XKR4: variants seen among roughly 807,000 people sequenced by gnomAD.
The protein encoded by XKR4 is XK related 4, also known as XK-related protein 4.
Under a neutral mutation model 53.9 loss-of-function variants are expected in XKR4, and 12 were observed. The ratio of observed to expected loss-of-function variants is 0.22; its 90% CI spans 0.14 to 0.36. The LOEUF is 0.36. XKR4 is among the 10% of genes least tolerant of loss of function. The pLI is 1.00. For missense variants in XKR4, 799 were observed against 859.5 expected, an observed-to-expected ratio of 0.93 and a Z score of 0.88; for synonymous variants, 354 against 362.4, an observed-to-expected ratio of 0.98 and a Z score of 0.26.
chr8:55,355,027 C>T (rs1178757961), intron 1 of XKR4, among the ~76,000 whole-genome samples: 1 of 151,766 alleles, frequency 6.6e-6, no homozygotes, highest in Non-Finnish European at 1.5e-5. Context: ...TCTCAGCCTC[C>T]CAAGTAGCTG....
At chr8:55,385,458 G>A (rs533495510) in intron 2 of XKR4, among the ~76,000 whole-genome samples, 6 of 152,164 alleles carry the variant, frequency 3.9e-5, no homozygotes, top group African/African-American at 7.2e-5. Context: ...TCCCTTCCCC[G>A]CTAAGCCATA....
At chr8:55,312,864 C>T (rs1407193999) in intron 1 of XKR4, among the ~76,000 whole-genome samples, 2 of 152,166 alleles carry the variant, frequency 1.3e-5, no homozygotes, top group Admixed American at 6.5e-5. Context: ...GGCGTCAAGA[C>T]AAGGAGAAAG....
At chr8:55,241,930 C>CAATAAT (rs149205351) in intron 1 of XKR4, among the ~76,000 whole-genome samples, 62 of 151,870 alleles carry the variant, frequency 4.1e-4, no homozygotes, top group Non-Finnish European at 7.8e-4. Context: ...AGCAAGATGA[C>CAATAAT]AATAATAATA....
At chr8:55,519,824 T>C (rs1054360680) in intron 2 of XKR4, among the ~76,000 whole-genome samples, 2 of 152,208 alleles carry the variant, frequency 1.3e-5, no homozygotes, top group African/African-American at 4.8e-5. Context: ...AGGACCATAA[T>C]GTATGCATTT....
chr8:55,510,470 A>C (rs1482646554), intron 2 of XKR4, among the ~76,000 whole-genome samples: 1 of 152,110 alleles, frequency 6.6e-6, no homozygotes, highest in Non-Finnish European at 1.5e-5. Context: ...TTACAAACTA[A>C]AAACCCCACG....
intron 1 of XKR4, among the ~76,000 whole-genome samples, chr8:55,234,231 A>G (rs968868740): frequency 1.3e-5 from 2 of 152,142 alleles, no homozygotes; most frequent in Non-Finnish European, 2.9e-5. Context: ...TACCCACCCT[A>G]TAGATTTGGA....
At chr8:55,450,794 C>T (rs879003210) in intron 2 of XKR4, 10 of 526,324 alleles carry the variant, frequency 1.9e-5, no homozygotes, top group South Asian at 1.8e-4. Context: ...AACAGCTGCA[C>T]CAAGGATACC....
intron 1 of XKR4, among the ~76,000 whole-genome samples, chr8:55,212,878 T>C (rs1174230276): frequency 6.6e-6 from 1 of 152,168 alleles, no homozygotes; most frequent in Admixed American, 6.5e-5. Context: ...TTAAAGAGTA[T>C]AGGAATTATT....
chr8:55,490,266 A>C (rs779898727), intron 2 of XKR4, among the ~76,000 whole-genome samples: 5 of 152,214 alleles, frequency 3.3e-5, no homozygotes, highest in Non-Finnish European at 7.4e-5. Flanking sequence ...AATGATGTAA[A>C]ATGATGTTCT....
intron 2 of XKR4, among the ~76,000 whole-genome samples, chr8:55,395,733 C>G (rs1478930244): frequency 6.6e-6 from 1 of 152,136 alleles, no homozygotes; most frequent in Non-Finnish European, 1.5e-5. Context: ...CTTGCCTACA[C>G]TAGGTCTAGG....
At chr8:55,313,887 CAG>C (rs1309433773) in intron 1 of XKR4, among the ~76,000 whole-genome samples, 1 of 152,164 alleles carries the variant, frequency 6.6e-6, no homozygotes, top group African/African-American at 2.4e-5. Context: ...AGTTTTTCTG[CAG>C]AGTTATGAGT....
intron 1 of XKR4, among the ~76,000 whole-genome samples, chr8:55,169,287 G>A (rs888902352): frequency 3.3e-5 from 5 of 152,206 alleles, no homozygotes; most frequent in African/African-American, 9.7e-5. Context: ...TTCTGCCAGT[G>A]GTGGTTTCTA....
intron 1 of XKR4, among the ~76,000 whole-genome samples, chr8:55,155,564 AAAG>A (rs553208537): frequency 1.3e-3 from 203 of 152,150 alleles, no homozygotes; most frequent in African/African-American, 4.6e-3. Context: ...AAAAAAAAAA[AAAG>A]AAGTCGAGGA....
chr8:55,350,035 C>T (rs1223992817), intron 1 of XKR4, among the ~76,000 whole-genome samples: 1 of 152,176 alleles, frequency 6.6e-6, no homozygotes, highest in East Asian at 1.9e-4. Context: ...TACACACACA[C>T]ACTTAAAATT....
At chr8:55,165,925 C>A (rs566160622) in intron 1 of XKR4, among the ~76,000 whole-genome samples, 1 of 152,252 alleles carries the variant, frequency 6.6e-6, no homozygotes, top group African/African-American at 2.4e-5. Context: ...AAAGTAACCA[C>A]TTGCCTACAA....
chr8:55,309,723 A>T (rs1758619850), intron 1 of XKR4, among the ~76,000 whole-genome samples: 1 of 152,228 alleles, frequency 6.6e-6, no homozygotes, highest in Admixed American at 6.5e-5. Context: ...CACTTCTTGC[A>T]GCTGCATGTG....
chr8:55,494,636 G>T (rs1412580067), intron 2 of XKR4, among the ~76,000 whole-genome samples: 1 of 152,152 alleles, frequency 6.6e-6, no homozygotes, highest in African/African-American at 2.4e-5. Flanking sequence ...AGCAGAGAGG[G>T]TAACTCCTCT....
chr8:55,206,734 T>A (rs1817656275), intron 1 of XKR4, among the ~76,000 whole-genome samples: 1 of 152,254 alleles, frequency 6.6e-6, no homozygotes, highest in African/African-American at 2.4e-5. Context: ...TGCAGAAACA[T>A]TAATTTTTGG....
intron 1 of XKR4, among the ~76,000 whole-genome samples, chr8:55,348,183 C>T (rs543336725): frequency 6.6e-6 from 1 of 152,154 alleles, no homozygotes; most frequent in Non-Finnish European, 1.5e-5. Context: ...GATAACATGC[C>T]TAGAGAAAAT....
Sources: allele counts gnomAD v4.1 joint callset (sites outside exome capture counted in the v4.1 genomes callset), GRCh38; gene constraint gnomAD v4.1.1; transcripts MANE v1.5; gene names NCBI Gene and HGNC (gene_info 2026-07-23, HGNC 2026-07-21).